The following FBN2 variants were observed in gnomAD, a reference collection of about 807,000 sequenced individuals.
FBN2 encodes the protein fibrillin 2, also known as fibrillin-2.
Under a neutral mutation model 355.6 loss-of-function variants are expected in FBN2, and 105 were observed. The observed-to-expected ratio is 0.30, with a 90% confidence interval of 0.25 to 0.35. The LOEUF (loss-of-function observed/expected upper bound fraction) is 0.35, where lower values mean the gene tolerates loss of function less well. FBN2 is among the 10% of genes least tolerant of loss of function. The pLI is 1.00. For synonymous variants in FBN2, 1,350 were observed against 1,301.2 expected (o/e 1.04, Z -0.81); for missense variants, 3,280 against 3,758.7 (o/e 0.87, Z 3.33).
chr5:128,285,848 C>T (rs1581188142), intron 55 of FBN2, among the ~76,000 whole-genome samples: 1 of 152,174 alleles, frequency 6.6e-6, no homozygotes, highest in East Asian at 1.9e-4. Flanking sequence ...AATTTCCATG[C>T]ATAAAAATTA....
At chr5:128,536,555 A>G (rs1171397774) in intron 1 of FBN2, 71 bp from the exon 2 acceptor site, 1 of 1,040,504 alleles carries the variant, frequency 9.6e-7, no homozygotes, top group Non-Finnish European at 1.5e-6. Context: ...GGTCTTCGTA[A>G]GCAATGCCCC....
intron 5 of FBN2, among the ~76,000 whole-genome samples, chr5:128,490,179 T>A (rs987821596): frequency 1.3e-5 from 2 of 152,160 alleles, no homozygotes; most frequent in Non-Finnish European, 2.9e-5. Context: ...ACATAAATCA[T>A]ATAAAATGTA....
intron 40 of FBN2, 70 bp from the exon 41 acceptor site, chr5:128,309,469 T>C (rs1749973750): frequency 7.4e-7 from 1 of 1,349,540 alleles, no homozygotes; most frequent in African/African-American, 1.4e-5. Flanking sequence ...CCCACACAGC[T>C]GTAGACATCA....
chr5:128,513,995 C>T lies in FBN2; in HGVS notation c.628+5278G>A, dbSNP rs369102144. 4.0e-5 allele frequency among the ~76,000 whole-genome samples: 6 copies of T among 151,214 alleles called. No homozygotes were observed. The South Asian group carries it at 1.3e-3, about 32-fold the overall frequency. ...TTAGAGAGTGCAAGGTTATAAAATG[C>T]TCTTCTTAACGGCCTCACAAGTGCA... On this transcript the variant is annotated intron_variant, in intron 5 of 64. Coordinates refer to ENST00000262464, the MANE Select transcript of FBN2 (RefSeq NM_001999.4).
At chr5:128,428,791 G>A (rs573412655) in intron 7 of FBN2, among the ~76,000 whole-genome samples, 6 of 152,318 alleles carry the variant, frequency 3.9e-5, no homozygotes, top group Admixed American at 2.6e-4. Context: ...ACGGAACTCC[G>A]TAAATATATT....
intron 7 of FBN2, among the ~76,000 whole-genome samples, chr5:128,424,084 C>T (rs1206432397): frequency 6.6e-6 from 1 of 152,004 alleles, no homozygotes; most frequent in African/African-American, 2.4e-5. Flanking sequence ...GCTGAAGACT[C>T]GGTCTGTGTA....
chr5:128,391,009 T>A (rs1219665649), intron 11 of FBN2, among the ~76,000 whole-genome samples: 1 of 152,210 alleles, frequency 6.6e-6, no homozygotes, highest in Non-Finnish European at 1.5e-5. Context: ...TTTGGAAAGA[T>A]GTGCATAATA....
At chr5:128,338,892 G>T in intron 26 of FBN2, 41 bp downstream of exon 26, 1 of 1,609,602 alleles carries the variant, frequency 6.2e-7, no homozygotes. Context: ...GTCTGTGCTA[G>T]TATGGTTTCA....
intron 62 of FBN2, among the ~76,000 whole-genome samples, chr5:128,267,259 G>T (rs1416986286): frequency 6.6e-6 from 1 of 152,120 alleles, no homozygotes; most frequent in Non-Finnish European, 1.5e-5. Flanking sequence ...CTTTGCTATT[G>T]TAAATAGTGC....
At chr5:128,520,165 T>C (rs1300490310) in intron 4 of FBN2, among the ~76,000 whole-genome samples, 1 of 152,084 alleles carries the variant, frequency 6.6e-6, no homozygotes, top group Non-Finnish European at 1.5e-5. Flanking sequence ...GGAGTTAGGG[T>C]TCCATGAGCC....
In FBN2 at chr5:128,401,279, C is replaced by T. The variant is rs185089446; in HGVS notation, c.1079-6005G>A. 2.6e-5 allele frequency among the ~76,000 whole-genome samples: 4 copies of T among 152,270 alleles called. No individual in the cohort carries two copies. In the East Asian group the frequency reaches 7.7e-4, roughly 29 times the overall value. On this transcript the variant is annotated intron_variant, in intron 8 of 64. Transcript: ENST00000262464. ...CACAAATGCATATTTTCATTGAACA[C>T]TGCAATGTAACACTTAACAGTTTAT...
intron 26 of FBN2, 25 bp downstream of exon 26, chr5:128,338,908 G>C (rs1750916073): frequency 6.2e-7 from 1 of 1,612,848 alleles, no homozygotes; most frequent in Non-Finnish European, 8.5e-7. Context: ...TTTCAAGCTG[G>C]CGAGGAAGAG....
chr5:128,258,937 T>C lies in FBN2; in HGVS notation c.*518A>G, dbSNP rs1764886892. On this transcript the variant is annotated 3_prime_UTR_variant, in exon 65 of 65. Coordinates refer to ENST00000262464, the MANE Select transcript of FBN2 (RefSeq NM_001999.4). The stretch of plus-strand genomic sequence containing the variant: ...CAAAGGAAACATCTCTTGTATCTAT[T>C]GGATTTTTAAAAAGCACCTCTAAAA... The C allele has an allele frequency of 1.3e-5, 2 of 159,844 alleles. No individual in the cohort carries two copies. Among genetic ancestry groups the C allele is most frequent in the East Asian group, 3.7e-4 (2 of 5,462 alleles). The allele number at this position is 159,844 out of a possible 1,614,324, so 9.9% of individuals were successfully genotyped here.
Position 128,305,380 on chromosome 5 carries a change from G to A in FBN2, c.5674+131C>T, listed in dbSNP as rs1749839561. ...AACAAAATCATCTAAAAGATATGGT[G>A]AAATAGGTTCACTATAAATGAACAG... On this transcript the variant is annotated intron_variant, in intron 44 of 64. Coordinates refer to ENST00000262464, the MANE Select transcript of FBN2 (RefSeq NM_001999.4). 3.9e-6 allele frequency: 4 copies of A among 1,033,100 alleles called. No homozygotes were observed. The African/African-American group carries it at 6.3e-5, about 16-fold the overall frequency. The allele number at this position is 1,033,100 out of a possible 1,614,324, so 64.0% of individuals were successfully genotyped here.
chr5:128,335,024 C>A, intron 30 of FBN2, 146 bp downstream of exon 30: 1 of 1,296,802 alleles, frequency 7.7e-7, no homozygotes, highest in South Asian at 1.3e-5. Context: ...AAAAGTAATT[C>A]TTCCTGAGAT....
chr5:128,448,732 T>G (rs1754143051), intron 6 of FBN2, among the ~76,000 whole-genome samples: 1 of 152,192 alleles, frequency 6.6e-6, no homozygotes, highest in African/African-American at 2.4e-5. Flanking sequence ...TACTTTAGTT[T>G]TCATTTCTCT....
chr5:128,474,347 A>G (rs1373107070), intron 5 of FBN2, among the ~76,000 whole-genome samples: 2 of 152,236 alleles, frequency 1.3e-5, no homozygotes, highest in African/African-American at 4.8e-5. Flanking sequence ...AAGATGGATC[A>G]TAAGCAAGTC....
intron 11 of FBN2, among the ~76,000 whole-genome samples, chr5:128,379,960 A>G (rs1032580130): frequency 6.6e-6 from 1 of 152,126 alleles, no homozygotes; most frequent in Non-Finnish European, 1.5e-5. Flanking sequence ...TTCTTAAAAG[A>G]GGAACTGTAC....
chr5:128,378,716 C>G, intron 12 of FBN2, 55 bp downstream of exon 12: 1 of 1,602,758 alleles, frequency 6.2e-7, no homozygotes, highest in South Asian at 1.1e-5. Flanking sequence ...ACCTCAACAG[C>G]CTTGGTCACT....
Sources: gnomAD v4.1 joint callset for allele counts (sites outside exome capture counted in the v4.1 genomes callset) on GRCh38, gnomAD v4.1.1 for gene constraint, MANE v1.5 for transcripts, NCBI Gene and HGNC (gene_info 2026-07-23, HGNC 2026-07-21) for gene names.